DGKI: variants seen among roughly 807,000 people sequenced by gnomAD.
The protein encoded by DGKI is DAG kinase iota.
A neutral mutation model predicts 147.5 loss-of-function variants in DGKI; 55 were observed. The ratio of observed to expected loss-of-function variants is 0.37; its 90% CI spans 0.30 to 0.47. The LOEUF (loss-of-function observed/expected upper bound fraction) is 0.47. Ranked by LOEUF, DGKI falls within the 20% of genes least tolerant of loss-of-function variation. The pLI is 1.00. For missense variants in DGKI, 1,007 were observed against 1,323.8 expected, an observed-to-expected ratio of 0.76 and a Z score of 3.71; for synonymous variants, 469 against 477.1, an observed-to-expected ratio of 0.98 and a Z score of 0.22.
At chr7:137,588,786 C>T (rs1015101902) in intron 12 of DGKI, among the ~76,000 whole-genome samples, 1 of 152,074 alleles carries the variant, frequency 6.6e-6, no homozygotes, top group Non-Finnish European at 1.5e-5. Context: ...CATACCGATG[C>T]CTTTCTATGT....
At chr7:137,624,546 C>G (rs1820865039) in intron 6 of DGKI, among the ~76,000 whole-genome samples, 1 of 152,076 alleles carries the variant, frequency 6.6e-6, no homozygotes, top group Non-Finnish European at 1.5e-5. Flanking sequence ...TAATCCCTGC[C>G]CATCTGCAGT....
At chr7:137,638,770 A>G (rs1228693174) in intron 6 of DGKI, among the ~76,000 whole-genome samples, 1 of 150,384 alleles carries the variant, frequency 6.6e-6, no homozygotes, top group Non-Finnish European at 1.5e-5. Flanking sequence ...TATATATTTT[A>G]TACAGAGATA....
At chr7:137,495,502 C>CAAAA (rs34551145) in intron 21 of DGKI, among the ~76,000 whole-genome samples, 7 of 57,382 alleles carry the variant, frequency 1.2e-4, no homozygotes, top group Non-Finnish European at 1.7e-4. Context: ...CTGGCAGAGA[C>CAAAA]AAAAAAAAAA....
chr7:137,704,143 G>A (rs759372716), intron 1 of DGKI, among the ~76,000 whole-genome samples: 9 of 152,266 alleles, frequency 5.9e-5, no homozygotes, highest in Middle Eastern at 3.4e-3. Flanking sequence ...CCCAGCAGGC[G>A]GAGGTTGCAG....
chr7:137,749,981 G>A (rs938362467), intron 1 of DGKI, among the ~76,000 whole-genome samples: 3 of 152,178 alleles, frequency 2.0e-5, no homozygotes, highest in African/African-American at 4.8e-5. Flanking sequence ...CAAAGACTGA[G>A]AAAGTGCAAA....
At chr7:137,694,306 C>A (rs1053575792) in intron 1 of DGKI, among the ~76,000 whole-genome samples, 1 of 146,108 alleles carries the variant, frequency 6.8e-6, no homozygotes, top group Admixed American at 7.0e-5. Context: ...TGGGCGACAG[C>A]GAGACTCCGT....
chr7:137,534,013 T>G (rs112269080), intron 20 of DGKI, among the ~76,000 whole-genome samples: 8 of 152,120 alleles, frequency 5.3e-5, no homozygotes, highest in African/African-American at 1.9e-4. Flanking sequence ...TTTCATTTCA[T>G]GGAAGTGTTT....
intron 1 of DGKI, among the ~76,000 whole-genome samples, chr7:137,838,506 T>A (rs116225902): frequency 0.02 from 3,045 of 151,996 alleles, 100 homozygotes; most frequent in African/African-American, 0.068. Flanking sequence ...GTTTTTTTTT[T>A]AAAAAAGCAA....
At position 137,382,854 on chromosome 7, in the gene DGKI, C is replaced by T. The variant is rs1419654811; in HGVS notation, c.*8366G>A. On this transcript the variant is annotated 3_prime_UTR_variant, in exon 33 of 33. Transcript: ENST00000614521. ...TAAAATTACCTCAAGTGACTTCCTC[C>T]CTCACCCAGTCAACCTGAAATCTAG... The T allele has an allele frequency of 6.6e-6, 1 of 151,978 alleles. No homozygotes were observed. The highest frequency in any genetic ancestry group is 1.5e-5 in the Non-Finnish European group (1 of 67,942). The allele number at this position is 151,978 out of a possible 1,614,324, so 9.4% of individuals were successfully genotyped here.
chr7:137,572,787 T>C lies in DGKI; in HGVS notation c.1813A>G (p.Ile605Val). 3 of 1,611,620 alleles carry C rather than the reference T, an allele frequency of 1.9e-6. No individual in the cohort carries two copies. The highest frequency in any genetic ancestry group is 2.5e-6 in the Non-Finnish European group (3 of 1,178,908). The change falls in exon 18 of 33, where the codon ATA becomes GTA. Residue 605 changes from isoleucine to valine, a missense_variant. This residue lies in a region of DGKI where 224 missense variants were observed against 382.7 expected (regional missense o/e 0.59). Transcript: ENST00000614521. ...PKIQELKFQC[I>V]VFLNIPRYCA... ...TACCTGGGTATATTTAAAAATACTA[T>C]ACACTGGAACTTCAGTTCCTGAATC...
chr7:137,440,900 A>G (rs1187989814), intron 28 of DGKI, among the ~76,000 whole-genome samples: 2 of 152,200 alleles, frequency 1.3e-5, no homozygotes, highest in Non-Finnish European at 2.9e-5. Flanking sequence ...CTCTGGCACT[A>G]TAAGCTAAAT....
intron 1 of DGKI, among the ~76,000 whole-genome samples, chr7:137,691,795 TG>T (rs965050138): frequency 2.2e-5 from 3 of 138,836 alleles, no homozygotes; most frequent in Non-Finnish European, 4.5e-5. Context: ...TCTAGACCTT[TG>T]GGTTTTTTTT....
intron 1 of DGKI, among the ~76,000 whole-genome samples, chr7:137,720,578 T>A (rs1794526173): frequency 6.6e-6 from 1 of 152,182 alleles, no homozygotes; most frequent in Non-Finnish European, 1.5e-5. Context: ...TGAGTCCTTA[T>A]AATAATTTGC....
chr7:137,611,826 A>C (rs981234503), intron 8 of DGKI, among the ~76,000 whole-genome samples: 4 of 152,194 alleles, frequency 2.6e-5, no homozygotes, highest in Non-Finnish European at 5.9e-5. Context: ...ATAATGAACA[A>C]ATATTCCTAT....
intron 6 of DGKI, among the ~76,000 whole-genome samples, chr7:137,643,035 T>C (rs1245706941): frequency 6.6e-6 from 1 of 151,100 alleles, no homozygotes; most frequent in African/African-American, 2.4e-5. Flanking sequence ...CTCATGCCTA[T>C]AATCCTAGCA....
At chr7:137,803,923 G>A (rs1001490285) in intron 1 of DGKI, among the ~76,000 whole-genome samples, 2 of 152,062 alleles carry the variant, frequency 1.3e-5, no homozygotes, top group African/African-American at 4.8e-5. Context: ...AAATAGTCCG[G>A]GCATGCGTTT....
At chr7:137,687,573 G>A (rs1332387997) in intron 2 of DGKI, among the ~76,000 whole-genome samples, 1 of 152,164 alleles carries the variant, frequency 6.6e-6, no homozygotes, top group Non-Finnish European at 1.5e-5. Context: ...AAAAGTCACT[G>A]AAATATTTTT....
At position 137,587,016 on chromosome 7, in the gene DGKI, C is replaced by G. The variant is rs1021716392; in HGVS notation, c.1425+81G>C. 33 of 1,023,450 alleles carry G rather than the reference C, an allele frequency of 3.2e-5. No individual in the cohort carries two copies. In the African/African-American group the frequency reaches 3.8e-4, roughly 12 times the overall value. The allele number at this position is 1,023,450 out of a possible 1,614,324, so 63.4% of individuals were successfully genotyped here. A position where few individuals can be genotyped will look rare whatever the true frequency, so the allele number is the denominator to read the frequency against. ...CCTGGGACAGCAGCAGCAGTACCCC[C>G]CTCTTCCATTAGAACATCAGTGGAT... On this transcript the variant is annotated intron_variant, in intron 13 of 32. Transcript: ENST00000614521.
intron 27 of DGKI, chr7:137,454,710 T>C (rs1391469771): frequency 3.3e-5 from 5 of 151,848 alleles, no homozygotes; most frequent in Admixed American, 6.6e-5. Context: ...GGTGAAGAAA[T>C]AGAAAAGGCA....
Sources: gnomAD v4.1 joint callset for allele counts (sites outside exome capture counted in the v4.1 genomes callset) on GRCh38, gnomAD v4.1.1 for gene constraint, gnomAD v4.1.1 regional missense constraint, MANE v1.5 for transcripts, NCBI Gene and HGNC (gene_info 2026-07-23, HGNC 2026-07-21) for gene names.